NSD1: variants seen among roughly 807,000 people sequenced by gnomAD.
NSD1 encodes the protein histone-lysine N-methyltransferase, H3 lysine-36 specific.
NSD1 carries 26 observed loss-of-function variants against 242.7 expected under a neutral mutation model. The ratio of observed to expected loss-of-function variants is 0.11; its 90% CI spans 0.08 to 0.15. NSD1 has a LOEUF of 0.15. Ranked by LOEUF, NSD1 falls within the 10% of genes least tolerant of loss-of-function variation. The pLI, the probability that NSD1 is intolerant of heterozygous loss-of-function variation, is 1.00. For missense variants in NSD1, 2,495 were observed against 3,272.8 expected (o/e 0.76, Z 5.80); for synonymous variants, 1,106 against 1,178.1 (o/e 0.94, Z 1.25).
chr5:177,244,001 C>T (rs774109042), intron 8 of NSD1, among the ~76,000 whole-genome samples, 194 bp from the exon 9 acceptor site: 2 of 152,170 alleles, frequency 1.3e-5, no homozygotes, highest in Non-Finnish European at 2.9e-5. Context: ...TCTGTTGGAG[C>T]ATTTTAAAAT....
At chr5:177,144,907 C>G (rs528477629) in intron 2 of NSD1, among the ~76,000 whole-genome samples, 1 of 151,864 alleles carries the variant, frequency 6.6e-6, no homozygotes, top group East Asian at 1.9e-4. Flanking sequence ...GTAGTGAAAC[C>G]CTGTCTCTAC....
At chr5:177,260,339 C>CTTTTTTTTTT (rs1174250871) in intron 14 of NSD1, among the ~76,000 whole-genome samples, 171 bp downstream of exon 14, 7 of 85,834 alleles carry the variant, frequency 8.2e-5, no homozygotes, top group Middle Eastern at 0.011. Context: ...CATAGCAGAA[C>CTTTTTTTTTT]TTTTTTTTTT....
At chr5:177,199,168 C>T (rs1383422384) in intron 3 of NSD1, among the ~76,000 whole-genome samples, 1 of 152,210 alleles carries the variant, frequency 6.6e-6, no homozygotes, top group Non-Finnish European at 1.5e-5. Flanking sequence ...TTAAAATAGG[C>T]TTTGTGTCAG....
rs1345192868 is a variant in NSD1, at chr5:177,264,785, A to G, written c.5147-2777A>G. On this transcript the variant is annotated intron_variant, in intron 14 of 22. Transcript: ENST00000439151. ...GCCAAAATGACAAACACAAAGGGAAAGAGGAGAGGCACCCAGTACATGTTC... is the reference window on the plus strand; with the variant it reads ...GCCAAAATGACAAACACAAAGGGAAGGAGGAGAGGCACCCAGTACATGTTC... 14 of 745,340 alleles carry G rather than the reference A, an allele frequency of 1.9e-5. No individual in the cohort carries two copies. In the East Asian group the frequency reaches 3.2e-4, roughly 17 times the overall value. 46.2% of individuals were successfully genotyped at this position (745,340 alleles called of 1,614,324 possible).
intron 17 of NSD1, among the ~76,000 whole-genome samples, chr5:177,277,249 G>A (rs1462681577): frequency 1.3e-5 from 2 of 151,860 alleles, no homozygotes; most frequent in Middle Eastern, 3.2e-3. Flanking sequence ...TGAACTACAG[G>A]TTGTTTTTGT....
At chr5:177,259,126 C>T (rs1033066863) in intron 13 of NSD1, among the ~76,000 whole-genome samples, 4 of 152,292 alleles carry the variant, frequency 2.6e-5, no homozygotes, top group Middle Eastern at 3.4e-3. Context: ...TGAGCCACCG[C>T]GCCTGGAAAA....
At chr5:177,184,725 G>A (rs577795062) in intron 2 of NSD1, among the ~76,000 whole-genome samples, 1 of 152,114 alleles carries the variant, frequency 6.6e-6, no homozygotes, top group East Asian at 1.9e-4. Flanking sequence ...GTGTGTGCAC[G>A]CAAGGATGGG....
intron 16 of NSD1, among the ~76,000 whole-genome samples, chr5:177,273,357 T>G (rs1758098023): frequency 2.0e-5 from 3 of 147,692 alleles, no homozygotes. Flanking sequence ...TTTTATGATA[T>G]CCGCCACCAC....
chr5:177,248,247 G>T lies in NSD1; in HGVS notation c.4564G>T (p.Asp1522Tyr), dbSNP rs201483724. Residue 1522 changes from aspartate (D) to tyrosine (Y), a missense_variant, in exon 11 of 23, where the codon GAT becomes TAT. By Grantham distance (160) the Asp-to-Tyr change is radical. Around this residue, in one of 19 missense-constraint regions of NSD1, gnomAD observed 97 missense variants for 97.7 expected, o/e 0.99. Coordinates refer to ENST00000439151, the MANE Select transcript of NSD1 (RefSeq NM_022455.5). ...GACTGTTGAGGAAGGTGTAGAACAC[G>T]ATCCCGGGATGCCTGCCTCTAAAAA... ...KETVEEGVEH[D>Y]PGMPASKKMQ... 57 of 1,614,128 alleles carry T rather than the reference G, an allele frequency of 3.5e-5. No individual in the cohort carries two copies. The African/African-American group carries it at 7.6e-4, about 22-fold the overall frequency.
chr5:177,204,386 C>CAAAGT, intron 4 of NSD1, 94 bp downstream of exon 4: 3 of 1,194,906 alleles, frequency 2.5e-6, no homozygotes, highest in Non-Finnish European at 3.6e-6. Flanking sequence ...CAGAACTTTG[C>CAAAGT]TCTGTTTCCC....
chr5:177,266,611 T>A, intron 14 of NSD1: 1 of 613,282 alleles, frequency 1.6e-6, no homozygotes, highest in Non-Finnish European at 2.4e-6. Flanking sequence ...CTACTCCTCT[T>A]CCGGCCGCCA....
intron 2 of NSD1, among the ~76,000 whole-genome samples, chr5:177,147,361 C>T (rs2149771946): frequency 6.6e-6 from 1 of 152,274 alleles, no homozygotes; most frequent in East Asian, 1.9e-4. Flanking sequence ...CCTGCCTTGG[C>T]CTCCCAAATG....
rs749014401 is a variant in NSD1, at chr5:177,210,408, A to C, written c.2009A>C (p.Asp670Ala). Residue 670 changes from aspartate (D) to alanine (A), a missense_variant, in exon 5 of 23, where the codon GAT becomes GCT. Physicochemically the swap from Asp to Ala is moderately radical, Grantham distance 126. This residue lies in a region of NSD1 where 515 missense variants were observed against 467.0 expected (regional missense o/e 1.10). Transcript: ENST00000439151. Reference protein sequence around the residue: ...NSVLEIPDAFDRTENMLSMQK... With the variant: ...NSVLEIPDAFARTENMLSMQK... ...GTCCTTGAAATTCCAGATGCTTTCG[A>C]TAGAACAGAGAACATGTTATCTATG... 1.2e-6 allele frequency: 2 copies of C among 1,614,168 alleles called. No homozygotes were observed. The highest frequency in any genetic ancestry group is 1.7e-6 in the Non-Finnish European group (2 of 1,180,018).
intron 2 of NSD1, among the ~76,000 whole-genome samples, chr5:177,139,025 G>A (rs1756584702): frequency 1.3e-5 from 2 of 150,518 alleles, no homozygotes; most frequent in African/African-American, 4.9e-5. Context: ...TGAGGCGGGT[G>A]GATCACCTGA....
chr5:177,293,630 C>T (rs143606350), intron 22 of NSD1, among the ~76,000 whole-genome samples: 109 of 138,464 alleles, frequency 7.9e-4, no homozygotes, highest in South Asian at 5.2e-3. Context: ...TTTGATAATT[C>T]GCTGTTACTT....
chr5:177,220,631 A>G (rs1380953766), intron 5 of NSD1, among the ~76,000 whole-genome samples: 1 of 132,032 alleles, frequency 7.6e-6, no homozygotes, highest in Non-Finnish European at 1.5e-5. Context: ...GTGCAGTGGC[A>G]TGATCTTAGC....
rs1760150832 is a variant in NSD1, at chr5:177,294,971, C to G, written c.7603C>G (p.Gln2535Glu). 1.2e-6 allele frequency: 2 copies of G among 1,614,246 alleles called. No homozygotes were observed. Among genetic ancestry groups the G allele is most frequent in the African/African-American group, 2.7e-5 (2 of 75,074 alleles). The part of the protein sequence containing the change: ...DPWQAVKSLT[Q>E]ARLLSQPPAK... ...CTGGCAAGCTGTTAAATCACTCACC[C>G]AGGCCAGACTTCTTTCTCAGCCTCC... Residue 2535 changes from glutamine to glutamate, a missense_variant, in exon 23 of 23, where the codon CAG becomes GAG. Transcript: ENST00000439151.
intron 2 of NSD1, among the ~76,000 whole-genome samples, chr5:177,138,090 C>A (rs556163082): frequency 0.013 from 1,820 of 144,162 alleles, 40 homozygotes; most frequent in African/African-American, 0.043. Context: ...AAAAAAACAA[C>A]AAAAAAACAA....
intron 15 of NSD1, among the ~76,000 whole-genome samples, chr5:177,268,333 G>T (rs1358890344): frequency 8.5e-6 from 1 of 117,588 alleles, no homozygotes; most frequent in Admixed American, 9.8e-5. Flanking sequence ...GTTGTGGGGT[G>T]GGGGGTGGGG....
Sources: allele counts gnomAD v4.1 joint callset (sites outside exome capture counted in the v4.1 genomes callset), GRCh38; gene constraint gnomAD v4.1.1; regional missense constraint gnomAD v4.1.1; transcripts MANE v1.5; gene names NCBI Gene and HGNC (gene_info 2026-07-23, HGNC 2026-07-21).